The following GPT2 variants were observed in gnomAD, a reference collection of about 807,000 sequenced individuals.
GPT2 encodes the protein alanine aminotransferase 2.
A neutral mutation model predicts 56.9 loss-of-function variants in GPT2; 30 were observed. The observed-to-expected ratio is 0.53, with a 90% CI of 0.39 to 0.72. The LOEUF (loss-of-function observed/expected upper bound fraction) is 0.72. Ranked by LOEUF, GPT2 falls within the 30% of genes least tolerant of loss-of-function variation. GPT2 has a pLI of 0.00. For missense variants in GPT2, 542 were observed against 703.4 expected, an observed-to-expected ratio of 0.77 and a Z score of 2.60; for synonymous variants, 271 against 283.1, an observed-to-expected ratio of 0.96 and a Z score of 0.43.
Position 46,924,562 on chromosome 16 carries a change from G to C in GPT2, c.1368+18G>C. ...CTGCTCAGGTCTGGGGCATGGGCTG[G>C]GCTGGCTCTCTCTTACCAGGTTCAC... On this transcript the variant is annotated intron_variant, in intron 10 of 11. Coordinates refer to ENST00000340124, the MANE Select transcript of GPT2 (RefSeq NM_133443.4). 5.6e-6 allele frequency: 9 copies of C among 1,612,748 alleles called. No homozygotes were observed. Among genetic ancestry groups the C allele is most frequent in the Non-Finnish European group, 6.8e-6 (8 of 1,179,030 alleles).
At chr16:46,909,084 T>C (rs547921417) in intron 5 of GPT2, among the ~76,000 whole-genome samples, 1 of 152,124 alleles carries the variant, frequency 6.6e-6, no homozygotes, top group East Asian at 1.9e-4. Flanking sequence ...TTTTATCCCA[T>C]TTTAAGAGTC....
Position 46,884,584 on chromosome 16 carries a change from G to T in GPT2, c.-22-110G>T, listed in dbSNP as rs1391711057. Reference sequence around the variant, plus strand: ...CCGGGGGATGGGCACCAGCGCCGAAGCCAGGCTGGCACCGCTCGCTGAAAG... The same window carrying T: ...CCGGGGGATGGGCACCAGCGCCGAATCCAGGCTGGCACCGCTCGCTGAAAG... On this transcript the variant is annotated intron_variant, in intron 1 of 11. Coordinates refer to ENST00000340124, the MANE Select transcript of GPT2 (RefSeq NM_133443.4). 6 of 1,170,650 alleles carry T rather than the reference G, an allele frequency of 5.1e-6. No individual in the cohort carries two copies. In the Admixed American group the frequency reaches 1.5e-4, roughly 28 times the overall value. 72.5% of individuals were successfully genotyped at this position (1,170,650 alleles called of 1,614,324 possible).
chr16:46,917,745 C>T lies in GPT2; in HGVS notation c.901-876C>T, dbSNP rs140475853. Among the ~76,000 whole-genome samples, 193 of 151,558 alleles carry T rather than the reference C, an allele frequency of 1.3e-3. 1 individual carries two copies. The highest frequency in any genetic ancestry group is 4.5e-3 in the African/African-American group (186 of 41,474). On this transcript the variant is annotated intron_variant, in intron 7 of 11. Transcript: ENST00000340124. ...ACATATACATATGTACATACAGACA[C>T]ACACAGACACACGTACATAGACACA...
intron 6 of GPT2, chr16:46,915,270 CACACACACACCACAT>C (rs927658730): frequency 6.3e-4 from 96 of 152,190 alleles, no homozygotes; most frequent in African/African-American, 2.2e-3. Context: ...ACAGACATAC[CACACACACACCACAT>C]ACACACACAC....
intron 2 of GPT2, among the ~76,000 whole-genome samples, chr16:46,886,323 G>T (rs1216360795): frequency 1.3e-5 from 2 of 152,114 alleles, no homozygotes; most frequent in African/African-American, 4.8e-5. Context: ...GGTTTATCAC[G>T]TTACAGCTGA....
chr16:46,884,880 G>C lies in GPT2; in HGVS notation c.165G>C (p.Pro55=), dbSNP rs1960452228. Residue 55 remains proline (P), a synonymous_variant, in exon 2 of 12, where the codon CCG becomes CCC. Coordinates refer to ENST00000340124, the MANE Select transcript of GPT2 (RefSeq NM_133443.4). ...ERILTLESMN[P]QVKAVEYAVR... The stretch of plus-strand genomic sequence containing the variant: ...TCCTCACGCTGGAGTCCATGAACCC[G>C]CAGGTGAAGGCGGTGGAGTACGCCG... 6.5e-7 allele frequency: 1 copy of C among 1,543,816 alleles called. No homozygotes were observed. Among genetic ancestry groups the C allele is most frequent in the Admixed American group, 2.0e-5 (1 of 50,712 alleles).
intron 8 of GPT2, among the ~76,000 whole-genome samples, chr16:46,919,218 C>T (rs1218796377): frequency 6.6e-6 from 1 of 152,228 alleles, no homozygotes; most frequent in East Asian, 1.9e-4. Flanking sequence ...TTACTGAGCA[C>T]TTACGATGAG....
rs1033909615 is a variant in GPT2, at chr16:46,931,208, G to A, written c.*2211G>A. The A allele has an allele frequency of 2.0e-5, 3 of 152,154 alleles. No individual in the cohort carries two copies. Among genetic ancestry groups the A allele is most frequent in the African/African-American group, 7.2e-5 (3 of 41,430 alleles). 9.4% of individuals were successfully genotyped at this position (152,154 alleles called of 1,614,324 possible). A position where few individuals can be genotyped will look rare whatever the true frequency, so the allele number is the denominator to read the frequency against. On this transcript the variant is annotated 3_prime_UTR_variant, in exon 12 of 12. Transcript: ENST00000340124. ...AACCTGTGGCTGTTTTCCCGTCTAGGTTCTCACAGGTATCTCCTGACAGAG... is the reference window on the plus strand; with the variant it reads ...AACCTGTGGCTGTTTTCCCGTCTAGATTCTCACAGGTATCTCCTGACAGAG...
At chr16:46,898,871 CAT>C (rs35282958) in intron 3 of GPT2, among the ~76,000 whole-genome samples, 130 of 138,750 alleles carry the variant, frequency 9.4e-4, no homozygotes, top group East Asian at 8.8e-3. Flanking sequence ...TATTTATATA[CAT>C]ATATATATAT....
At chr16:46,889,572 C>T (rs754639772) in intron 2 of GPT2, among the ~76,000 whole-genome samples, 12 of 152,106 alleles carry the variant, frequency 7.9e-5, no homozygotes, top group Non-Finnish European at 7.4e-5. Flanking sequence ...TACTTTAAAA[C>T]TTGTAGTGCA....
chr16:46,928,975 A>G lies in GPT2; in HGVS notation c.1550A>G (p.Asn517Ser), dbSNP rs1297171971. The G allele has an allele frequency of 2.5e-6, 4 of 1,614,080 alleles. No individual in the cohort carries two copies. The highest frequency in any genetic ancestry group is 1.3e-5 in the African/African-American group (1 of 75,048). Residue 517 changes from asparagine (N) to serine (S), a missense_variant, in exon 12 of 12, where the codon AAC (asparagine) becomes AGC (serine). Physicochemically the swap from Asn to Ser is conservative, Grantham distance 46. Transcript: ENST00000340124. ...CAGAAGGTGAAAGACTTCCACATCA[A>G]CTTCCTGGAGAAGTACGCGTGAGGA... ...VLQKVKDFHI[N>S]FLEKYA
rs551593990 is a variant in GPT2, at chr16:46,905,018, G to A, written c.443-1824G>A. ...ACAGCTGTGCAGAGCCCAATGCTGCGCAGAGAGGCTGAGGCAGAGCTAGGG... is the reference window on the plus strand; with the variant it reads ...ACAGCTGTGCAGAGCCCAATGCTGCACAGAGAGGCTGAGGCAGAGCTAGGG... On this transcript the variant is annotated intron_variant, in intron 4 of 11. Transcript: ENST00000340124. 6.7e-4 allele frequency among the ~76,000 whole-genome samples: 102 copies of A among 151,542 alleles called. 4 individuals are homozygous for A. In the South Asian group the frequency reaches 0.02, roughly 30 times the overall value.
chr16:46,900,543 C>G (rs1372167519), intron 3 of GPT2, 139 bp from the exon 4 acceptor site: 1 of 627,134 alleles, frequency 1.6e-6, no homozygotes, highest in Non-Finnish European at 2.8e-6. Flanking sequence ...CTCCCAAGCT[C>G]CCACAGGCTG....
At chr16:46,890,730 A>G (rs1409527878) in intron 2 of GPT2, among the ~76,000 whole-genome samples, 1 of 152,240 alleles carries the variant, frequency 6.6e-6, no homozygotes, top group African/African-American at 2.4e-5. Flanking sequence ...TGATATGGAA[A>G]TGATTATCAC....
At chr16:46,917,752 A>G (rs979981944) in intron 7 of GPT2, among the ~76,000 whole-genome samples, 1 of 152,144 alleles carries the variant, frequency 6.6e-6, no homozygotes, top group Non-Finnish European at 1.5e-5. Flanking sequence ...ACACACACAG[A>G]CACACGTACA....
intron 10 of GPT2, among the ~76,000 whole-genome samples, chr16:46,926,436 G>A (rs1382708180): frequency 2.0e-5 from 3 of 151,650 alleles, no homozygotes; most frequent in African/African-American, 7.3e-5. Flanking sequence ...GTGACAGAGG[G>A]AGACTCTGTT....
At chr16:46,892,393 A>G (rs374171814) in intron 2 of GPT2, among the ~76,000 whole-genome samples, 2 of 152,196 alleles carry the variant, frequency 1.3e-5, no homozygotes, top group African/African-American at 4.8e-5. Flanking sequence ...GCAGTGAACA[A>G]GGGAGTGCGG....
chr16:46,902,215 G>A (rs773748358), intron 4 of GPT2, among the ~76,000 whole-genome samples: 1 of 152,198 alleles, frequency 6.6e-6, no homozygotes, highest in African/African-American at 2.4e-5. Flanking sequence ...GTTCCCTCGT[G>A]GGGTATTACA....
Position 46,924,467 on chromosome 16 carries a change from C to T in GPT2, c.1291C>T (p.His431Tyr). Residue 431 changes from histidine to tyrosine, a missense_variant, in exon 10 of 12, where the codon CAC becomes TAC. Coordinates refer to ENST00000340124, the MANE Select transcript of GPT2 (RefSeq NM_133443.4). ...CCTGTTTAACCAAGTCCCAGGAATT[C>T]ACTGCAACCCCTTGCAGGGGGCCAT... ...EDLFNQVPGIHCNPLQGAMYA... is the reference protein window; with the variant it reads ...EDLFNQVPGIYCNPLQGAMYA... The T allele has an allele frequency of 6.2e-7, 1 of 1,614,214 alleles. No homozygotes were observed. The highest frequency in any genetic ancestry group is 8.5e-7 in the Non-Finnish European group (1 of 1,180,020).
Sources: allele counts gnomAD v4.1 joint callset (sites outside exome capture counted in the v4.1 genomes callset), GRCh38; gene constraint gnomAD v4.1.1; transcripts MANE v1.5; gene names NCBI Gene and HGNC (gene_info 2026-07-23, HGNC 2026-07-21).